The following NRIP1 variants were observed in gnomAD, a reference collection of about 807,000 sequenced individuals.
NRIP1 encodes the protein nuclear receptor interacting protein 1, also known as nuclear receptor-interacting protein 1.
A neutral mutation model predicts 75.0 loss-of-function variants in NRIP1; 28 were observed. The ratio of observed to expected loss-of-function variants is 0.37; its 90% CI spans 0.28 to 0.51. NRIP1 has a LOEUF of 0.51. Among genes scored for constraint, NRIP1 ranks in the 20% least tolerant of loss-of-function variants. The pLI is 0.92. For synonymous variants in NRIP1, 526 were observed against 487.6 expected, an observed-to-expected ratio of 1.08 and a Z score of -1.04; for missense variants, 1,435 against 1,343.7, an observed-to-expected ratio of 1.07 and a Z score of -1.06.
intron 3 of NRIP1, among the ~76,000 whole-genome samples, chr21:14,973,790 C>T (rs906704873): frequency 1.3e-5 from 2 of 151,474 alleles, no homozygotes; most frequent in African/African-American, 4.9e-5. Context: ...GATTCTCCCA[C>T]CTCAGTCTCC....
intron 1 of NRIP1, among the ~76,000 whole-genome samples, chr21:15,062,899 T>C (rs1978441540): frequency 6.6e-6 from 1 of 152,226 alleles, no homozygotes; most frequent in African/African-American, 2.4e-5. Context: ...ATCCAAGTTC[T>C]GCAGAGTTTA....
At chr21:15,035,323 G>A (rs900953279) in intron 2 of NRIP1, among the ~76,000 whole-genome samples, 3 of 151,986 alleles carry the variant, frequency 2.0e-5, no homozygotes, top group Non-Finnish European at 4.4e-5. Context: ...AAGTTTACAA[G>A]GTAATAAGTA....
At chr21:15,037,536 A>G (rs74581103) in intron 2 of NRIP1, among the ~76,000 whole-genome samples, 2,423 of 152,298 alleles carry the variant, frequency 0.016, 69 homozygotes, top group African/African-American at 0.055. Flanking sequence ...ATGAAAAATA[A>G]AGGCAGTGTG....
chr21:14,994,377 AG>A (rs2087661346), intron 3 of NRIP1, among the ~76,000 whole-genome samples: 1 of 152,198 alleles, frequency 6.6e-6, no homozygotes, highest in Non-Finnish European at 1.5e-5. Flanking sequence ...CGCCTACCTC[AG>A]CCTCCCAGAA....
At position 14,964,349 on chromosome 21, in the gene NRIP1, G is replaced by A. The variant is rs1279283360; in HGVS notation, c.*367C>T. ...AAATGTGTTATGTAGGCTGACTTCT[G>A]AAAAGCAAAATAAAGTACCCTAATA... On this transcript the variant is annotated 3_prime_UTR_variant, in exon 4 of 4. Transcript: ENST00000318948. 1 of 161,708 alleles carries A rather than the reference G, an allele frequency of 6.2e-6. No individual in the cohort carries two copies. The highest frequency in any genetic ancestry group is 1.3e-5 in the Non-Finnish European group (1 of 74,692). 10.0% of individuals were successfully genotyped at this position (161,708 alleles called of 1,614,324 possible).
Position 14,967,893 on chromosome 21 carries a change from C to T in NRIP1, c.300G>A (p.Arg100=). 6.2e-7 allele frequency: 1 copy of T among 1,614,120 alleles called. No homozygotes were observed. The highest frequency in any genetic ancestry group is 8.5e-7 in the Non-Finnish European group (1 of 1,180,018). ...SEDWNAAKRK[R]LSDSIMNLNV... ...TTAAATTCATGATAGAATCAGACAG[C>T]CTCTTCCGCTTTGCTGCATTCCAGT... Residue 100 remains arginine, a synonymous_variant, in exon 4 of 4, where the codon AGG becomes AGA. Coordinates refer to ENST00000318948, the MANE Select transcript of NRIP1 (RefSeq NM_003489.4).
At chr21:15,010,072 TA>T (rs1320997443) in intron 3 of NRIP1, among the ~76,000 whole-genome samples, 2 of 152,094 alleles carry the variant, frequency 1.3e-5, no homozygotes, top group African/African-American at 4.8e-5. Flanking sequence ...TTTAAATAAA[TA>T]AATGCAAAAA....
chr21:15,043,323 T>C (rs558789208), intron 2 of NRIP1, among the ~76,000 whole-genome samples, 172 bp downstream of exon 2: 1 of 152,354 alleles, frequency 6.6e-6, no homozygotes, highest in South Asian at 2.1e-4. Context: ...CACAAAATTT[T>C]GATTTACCAA....
At chr21:15,026,761 G>A (rs1181281319) in intron 2 of NRIP1, among the ~76,000 whole-genome samples, 1 of 151,898 alleles carries the variant, frequency 6.6e-6, no homozygotes, top group African/African-American at 2.4e-5. Context: ...TACACACAAT[G>A]GAATATTGCC....
At chr21:15,004,554 G>A (rs2087920878) in intron 3 of NRIP1, among the ~76,000 whole-genome samples, 1 of 152,240 alleles carries the variant, frequency 6.6e-6, no homozygotes. Flanking sequence ...AACATTCGCA[G>A]GCAGTGAAGG....
intron 3 of NRIP1, among the ~76,000 whole-genome samples, chr21:15,006,029 A>T (rs1327123968): frequency 1.4e-5 from 2 of 146,994 alleles, no homozygotes; most frequent in South Asian, 2.4e-4. Context: ...TTCATTTTTA[A>T]AAAAAAATAC....
upstream of NRIP1, chr21:15,065,781 A>T (rs995964283): frequency 1.3e-5 from 2 of 152,380 alleles, no homozygotes; most frequent in South Asian, 4.1e-4. Context: ...AGCAGGGTTA[A>T]TCCTCGGCTG....
At chr21:15,038,267 T>A (rs1354561178) in intron 2 of NRIP1, among the ~76,000 whole-genome samples, 1 of 152,142 alleles carries the variant, frequency 6.6e-6, no homozygotes, top group African/African-American at 2.4e-5. Context: ...ATTTTTGTAC[T>A]ATTTTAAAAA....
At chr21:15,014,171 T>C (rs193050022) in intron 3 of NRIP1, among the ~76,000 whole-genome samples, 173 bp downstream of exon 3, 2 of 152,334 alleles carry the variant, frequency 1.3e-5, no homozygotes, top group African/African-American at 4.8e-5. Context: ...AAAGGAAGGA[T>C]TGTAGCTCTT....
In NRIP1 at chr21:15,044,145, A is replaced by G. The variant is rs2089019989; in HGVS notation, c.-537-571T>C. The stretch of plus-strand genomic sequence containing the variant: ...ACTACTCATCTGTTTTTATTTTACT[A>G]TAAAGATTGTCCCTATTGTCAATGA... On this transcript the variant is annotated intron_variant, in intron 1 of 3. Transcript: ENST00000318948. Among the ~76,000 whole-genome samples, 5 of 152,134 alleles carry G rather than the reference A, an allele frequency of 3.3e-5. 1 individual carries two copies. In the South Asian group the frequency reaches 8.3e-4, roughly 25 times the overall value.
intron 2 of NRIP1, among the ~76,000 whole-genome samples, chr21:15,023,833 C>T (rs1010532910): frequency 3.9e-4 from 60 of 152,250 alleles, no homozygotes; most frequent in African/African-American, 1.4e-3. Flanking sequence ...TAGTGCGCTC[C>T]TGGAAAGGAG....
intron 2 of NRIP1, among the ~76,000 whole-genome samples, chr21:15,032,502 A>C (rs192970541): frequency 1.3e-5 from 2 of 152,208 alleles, no homozygotes; most frequent in African/African-American, 4.8e-5. Flanking sequence ...GGCTCTAAAA[A>C]AAAAAACCGT....
rs927414044 is a variant in NRIP1, at chr21:15,004,594, G to A, written c.-335+9750C>T. On this transcript the variant is annotated intron_variant, in intron 3 of 3. Transcript: ENST00000318948. ...ACATGGGGAAACAAGCCCCACCAAG[G>A]GGAGCAGATCCAATATGGCTACCGA... is the stretch of plus-strand genomic sequence containing the variant. 1.3e-4 allele frequency among the ~76,000 whole-genome samples: 20 copies of A among 152,206 alleles called. 3 individuals are homozygous for A. Among genetic ancestry groups the A allele is most frequent in the Admixed American group, 1.3e-3 (20 of 15,286 alleles).
rs1374615319 is a variant in NRIP1, at chr21:14,962,405, A to C, written c.*2311T>G. The C allele has an allele frequency of 6.6e-6, 1 of 152,202 alleles. No homozygotes were observed. The highest frequency in any genetic ancestry group is 2.4e-5 in the African/African-American group (1 of 41,374). 9.4% of individuals were successfully genotyped at this position (152,202 alleles called of 1,614,324 possible). A position where few individuals can be genotyped will look rare whatever the true frequency, so the allele number is the denominator to read the frequency against. ...TTAACAACAACGAAAACAACCAGCC[A>C]ACCAAAAAAACAAAACAAAACCCAC... On this transcript the variant is annotated 3_prime_UTR_variant, in exon 4 of 4. Transcript: ENST00000318948.
Sources: gnomAD v4.1 joint callset for allele counts (sites outside exome capture counted in the v4.1 genomes callset) on GRCh38, gnomAD v4.1.1 for gene constraint, MANE v1.5 for transcripts, NCBI Gene and HGNC (gene_info 2026-07-23, HGNC 2026-07-21) for gene names.